The following DENND1A variants were observed in gnomAD, a reference collection of about 807,000 sequenced individuals.
DENND1A encodes the protein DENN domain containing 1A, also known as DENN domain-containing protein 1A.
DENND1A carries 51 observed loss-of-function variants against 113.7 expected under a neutral mutation model. The ratio of observed to expected loss-of-function variants is 0.45; its 90% CI spans 0.36 to 0.57. The LOEUF is 0.57. Among genes scored for constraint, DENND1A ranks in the 20% least tolerant of loss-of-function variants. The probability of loss-of-function intolerance (pLI) is 0.00; values close to 1 mark genes in which losing one functional copy is unlikely to be tolerated. For missense variants in DENND1A, 1,258 were observed against 1,395.9 expected, an observed-to-expected ratio of 0.90 and a Z score of 1.57; for synonymous variants, 565 against 570.8, an observed-to-expected ratio of 0.99 and a Z score of 0.14.
At chr9:123,401,595 G>A (rs536649971) in intron 21 of DENND1A, 2 of 1,411,960 alleles carry the variant, frequency 1.4e-6, no homozygotes, top group Non-Finnish European at 1.8e-6. Flanking sequence ...TGGCTCCCAT[G>A]CTCCCACTGG....
At chr9:123,454,587 C>A (rs537705825) in intron 16 of DENND1A, 152 bp downstream of exon 16, 4 of 788,820 alleles carry the variant, frequency 5.1e-6, no homozygotes, top group Non-Finnish European at 8.4e-6. Flanking sequence ...TAGTCTCCAT[C>A]TGGCATGAGA....
rs372747784 is a variant in DENND1A at position 123,788,016 on chromosome 9, C to T, written c.132+4571G>A. 2.6e-5 allele frequency among the ~76,000 whole-genome samples: 4 copies of T among 152,194 alleles called. No individual in the cohort carries two copies. In the East Asian group the frequency reaches 5.8e-4, roughly 22 times the overall value. On this transcript the variant is annotated intron_variant, in intron 3 of 23. Coordinates refer to ENST00000394215, the MANE Select transcript of DENND1A (RefSeq NM_001352964.2). ...ACAGGGGTAGGTAACTGTGCCTGGA[C>T]CACTCTTTAAAGGGCTCTAAGAGGC...
intron 4 of DENND1A, among the ~76,000 whole-genome samples, chr9:123,766,132 CT>C (rs1475596811): frequency 5.9e-5 from 9 of 152,300 alleles, no homozygotes; most frequent in Non-Finnish European, 1.2e-4. Context: ...TCTAGGCTCA[CT>C]CGGGGCTTCT....
chr9:123,496,492 A>G (rs2051927415), intron 13 of DENND1A, among the ~76,000 whole-genome samples: 1 of 152,260 alleles, frequency 6.6e-6, no homozygotes, highest in Admixed American at 6.5e-5. Context: ...GGTATTTACA[A>G]CTAAGCATAT....
rs35853717 is a variant in DENND1A, at chr9:123,748,374, T to C, written c.302+9329A>G. Among the ~76,000 whole-genome samples the C allele has an allele frequency of 6.9e-3, 1,047 of 152,320 alleles. 4 individuals carry two copies. The highest frequency in any genetic ancestry group is 0.011 in the Non-Finnish European group (735 of 68,010). On this transcript the variant is annotated intron_variant, in intron 5 of 23. Transcript: ENST00000394215. ...TTTATAATCTTAAAAAATAACATCC[T>C]AAAAATAAGTGGCTCATAATTGATT...
intron 5 of DENND1A, among the ~76,000 whole-genome samples, chr9:123,716,929 GT>G (rs150240469): frequency 6.4e-4 from 98 of 152,190 alleles, no homozygotes; most frequent in African/African-American, 2.3e-3. Context: ...CACATGAACC[GT>G]TAAGTGCAAA....
chr9:123,470,719 A>G (rs1292846567), intron 13 of DENND1A, among the ~76,000 whole-genome samples: 2 of 152,222 alleles, frequency 1.3e-5, no homozygotes. Flanking sequence ...AACTGAGGAG[A>G]CAGGCCCCCC....
chr9:123,886,499 G>T (rs2133694062), intron 1 of DENND1A, among the ~76,000 whole-genome samples: 1 of 152,306 alleles, frequency 6.6e-6, no homozygotes, highest in East Asian at 1.9e-4. Context: ...TGCTGAAGGG[G>T]CTGAGGTGTA....
intron 1 of DENND1A, among the ~76,000 whole-genome samples, chr9:123,912,866 G>C (rs1191149065): frequency 6.6e-6 from 1 of 151,986 alleles, no homozygotes; most frequent in Admixed American, 6.6e-5. Context: ...TCCACCCCGT[G>C]GTGTCTGTTG....
chr9:123,526,605 C>T (rs2054870491), intron 13 of DENND1A, among the ~76,000 whole-genome samples: 2 of 152,202 alleles, frequency 1.3e-5, no homozygotes, highest in South Asian at 2.1e-4. Flanking sequence ...ACCCAAGATC[C>T]CCAAGACTTT....
At chr9:123,782,606 G>A (rs544559292) in intron 3 of DENND1A, among the ~76,000 whole-genome samples, 1 of 152,304 alleles carries the variant, frequency 6.6e-6, no homozygotes, top group East Asian at 1.9e-4. Context: ...AGGTAAACAA[G>A]TATAAAGTGG....
chr9:123,797,430 A>T (rs972844586), intron 2 of DENND1A, among the ~76,000 whole-genome samples: 5 of 152,210 alleles, frequency 3.3e-5, no homozygotes, highest in Admixed American at 6.5e-5. Context: ...GAAGTTGTAT[A>T]GTTTGAGAAC....
At chr9:123,711,652 C>T (rs2066643553) in intron 5 of DENND1A, among the ~76,000 whole-genome samples, 1 of 151,486 alleles carries the variant, frequency 6.6e-6, no homozygotes, top group Admixed American at 6.6e-5. Context: ...ATTCAACACC[C>T]TGGCTCTCAG....
At chr9:123,580,301 A>G (rs2136640397) in intron 12 of DENND1A, among the ~76,000 whole-genome samples, 1 of 152,346 alleles carries the variant, frequency 6.6e-6, no homozygotes, top group Admixed American at 6.5e-5. Context: ...CCATCTTCAG[A>G]AAGACTCCAT....
At chr9:123,682,443 T>C (rs1025329385) in intron 5 of DENND1A, among the ~76,000 whole-genome samples, 3 of 152,152 alleles carry the variant, frequency 2.0e-5, no homozygotes, top group Non-Finnish European at 4.4e-5. Context: ...CCATGTTGAA[T>C]ACCTGAGGAG....
chr9:123,800,921 A>G (rs143353857), intron 2 of DENND1A, among the ~76,000 whole-genome samples: 5 of 152,342 alleles, frequency 3.3e-5, no homozygotes, highest in Admixed American at 1.3e-4. Context: ...ACATGTTCTC[A>G]TCGTGTGTTC....
At chr9:123,897,325 A>G (rs1850913324) in intron 1 of DENND1A, among the ~76,000 whole-genome samples, 1 of 152,230 alleles carries the variant, frequency 6.6e-6, no homozygotes, top group Admixed American at 6.5e-5. Flanking sequence ...CGTGGACATC[A>G]GCATGAATAA....
intron 13 of DENND1A, among the ~76,000 whole-genome samples, chr9:123,486,774 C>T (rs572725595): frequency 6.6e-6 from 1 of 152,320 alleles, no homozygotes; most frequent in South Asian, 2.1e-4. Context: ...GGTCCCCCAA[C>T]CTTCTGGGCA....
rs1384024674 is a variant in DENND1A, at chr9:123,380,319, C to CAATCT, written c.*1108_*1112dup. ...AGGAAAAAGAAAGATAATAAACATT[C>CAATCT]AATCTAACTTTGGTGACGTTGGCCT... On this transcript the variant is annotated 3_prime_UTR_variant, in exon 24 of 24. Transcript: ENST00000394215. 1.3e-5 allele frequency: 2 copies of CAATCT among 152,588 alleles called. No individual in the cohort carries two copies. The highest frequency in any genetic ancestry group is 2.9e-5 in the Non-Finnish European group (2 of 68,046). 9.5% of individuals were successfully genotyped at this position (152,588 alleles called of 1,614,324 possible).
Sources: allele counts gnomAD v4.1 joint callset (sites outside exome capture counted in the v4.1 genomes callset), GRCh38; gene constraint gnomAD v4.1.1; transcripts MANE v1.5; gene names NCBI Gene and HGNC (gene_info 2026-07-23, HGNC 2026-07-21).